The following DAAM1 variants were observed in gnomAD, a reference collection of about 807,000 sequenced individuals.
DAAM1 encodes dishevelled associated activator of morphogenesis 1.
DAAM1 carries 52 observed loss-of-function variants against 130.0 expected under a neutral mutation model. That is an observed-to-expected ratio of 0.40 (90% CI 0.32 to 0.50). The LOEUF is 0.50. Ranked by LOEUF, DAAM1 falls within the 20% of genes least tolerant of loss-of-function variation. The pLI, the probability that DAAM1 is intolerant of heterozygous loss-of-function variation, is 0.61. For synonymous variants in DAAM1, 452 were observed against 444.5 expected, an observed-to-expected ratio of 1.02 and a Z score of -0.21; for missense variants, 1,134 against 1,303.8, an observed-to-expected ratio of 0.87 and a Z score of 2.01.
intron 1 of DAAM1, among the ~76,000 whole-genome samples, chr14:59,227,867 C>T (rs1888989721): frequency 6.6e-6 from 1 of 152,174 alleles, no homozygotes; most frequent in South Asian, 2.1e-4. Flanking sequence ...CTCCTTGTTC[C>T]ACAGGCAGGC....
intron 1 of DAAM1, among the ~76,000 whole-genome samples, chr14:59,217,851 G>T (rs1354804757): frequency 6.6e-6 from 1 of 152,078 alleles, no homozygotes; most frequent in Non-Finnish European, 1.5e-5. Context: ...GCCGGGCGTG[G>T]TGGTGGGCAC....
intron 10 of DAAM1, 140 bp downstream of exon 10, chr14:59,326,217 G>A (rs996355389): frequency 1.3e-5 from 10 of 781,040 alleles, no homozygotes; most frequent in Non-Finnish European, 2.1e-5. Context: ...CCAAGTATGT[G>A]TGTCTACATG....
Position 59,282,658 on chromosome 14 carries a change from T to C in DAAM1, c.184-8559T>C, listed in dbSNP as rs561200373. On this transcript the variant is annotated intron_variant, in intron 2 of 24. Coordinates refer to ENST00000360909, the MANE Select transcript of DAAM1 (RefSeq NM_001270520.2). ...AACCAGACAGTCTAGACTCGAGTTCTTCCTCCACTGTTTACCAGCTTTGTT... is the reference window on the plus strand; with the variant it reads ...AACCAGACAGTCTAGACTCGAGTTCCTCCTCCACTGTTTACCAGCTTTGTT... 7.9e-5 allele frequency among the ~76,000 whole-genome samples: 12 copies of C among 152,286 alleles called. 1 individual carries two copies. In the South Asian group the frequency reaches 1.2e-3, roughly 16 times the overall value.
In DAAM1 at chr14:59,243,579, C is replaced by G. The variant is rs562239548; in HGVS notation, c.-37-19862C>G. 2.0e-5 allele frequency among the ~76,000 whole-genome samples: 3 copies of G among 152,246 alleles called. No individual in the cohort carries two copies. In the South Asian group the frequency reaches 6.2e-4, roughly 32 times the overall value. On this transcript the variant is annotated intron_variant, in intron 1 of 24. Coordinates refer to ENST00000360909, the MANE Select transcript of DAAM1 (RefSeq NM_001270520.2). The stretch of plus-strand genomic sequence containing the variant: ...TCAAGAGCTATGGCTGCCTCTGATT[C>G]TCTGAACTTTTATCTCTGATCCCTC...
At chr14:59,322,655 G>A (rs1885058010) in intron 5 of DAAM1, among the ~76,000 whole-genome samples, 1 of 152,076 alleles carries the variant, frequency 6.6e-6, no homozygotes, top group South Asian at 2.1e-4. Flanking sequence ...TTGGTTCTTT[G>A]TACCCATTGA....
In DAAM1 at chr14:59,371,109, CAAAAA is replaced by C. The variant is rs33914773; in HGVS notation, c.*2256_*2260del. 2.0e-5 allele frequency: 3 copies of C among 147,850 alleles called. No homozygotes were observed. The highest frequency in any genetic ancestry group is 3.9e-4 in the East Asian group (2 of 5,074). The allele number at this position is 147,850 out of a possible 1,614,324, so 9.2% of individuals were successfully genotyped here. A position where few individuals can be genotyped will look rare whatever the true frequency, so the allele number is the denominator to read the frequency against. On this transcript the variant is annotated 3_prime_UTR_variant, in exon 25 of 25. Coordinates refer to ENST00000360909, the MANE Select transcript of DAAM1 (RefSeq NM_001270520.2). ...CATTGTTGAAAAGAAAAAAAAAAAA[CAAAAA>C]AAAAACCTACTTTTTAGATTGGTGC...
In DAAM1 at chr14:59,273,015, T is replaced by C. The variant is rs1195893888; in HGVS notation, c.183+9355T>C. Among the ~76,000 whole-genome samples, 3 of 152,214 alleles carry C rather than the reference T, an allele frequency of 2.0e-5. No homozygotes were observed. The East Asian group carries it at 5.8e-4, about 29-fold the overall frequency. On this transcript the variant is annotated intron_variant, in intron 2 of 24. Transcript: ENST00000360909. ...ATCTGCTGTACTTCTGAATAGAACATTGCTTTGTTCCTAAAACAGTAGGGT... is the reference window on the plus strand; with the variant it reads ...ATCTGCTGTACTTCTGAATAGAACACTGCTTTGTTCCTAAAACAGTAGGGT...
At chr14:59,331,159 T>C in intron 13 of DAAM1, 50 bp from the exon 14 acceptor site, 1 of 1,595,332 alleles carries the variant, frequency 6.3e-7, no homozygotes, top group Non-Finnish European at 8.5e-7. Context: ...AATCATTCAA[T>C]GAATTTACTT....
chr14:59,222,310 G>A (rs976747620), intron 1 of DAAM1, among the ~76,000 whole-genome samples: 1 of 152,210 alleles, frequency 6.6e-6, no homozygotes, highest in African/African-American at 2.4e-5. Flanking sequence ...GATTTTGGCA[G>A]AGGCATTGCA....
chr14:59,254,184 A>G (rs1231903013), intron 1 of DAAM1, among the ~76,000 whole-genome samples: 1 of 152,196 alleles, frequency 6.6e-6, no homozygotes, highest in African/African-American at 2.4e-5. Flanking sequence ...AGGGGTCATT[A>G]CACCTGGATC....
chr14:59,193,598 A>G lies in DAAM1; in HGVS notation c.-38+4830A>G, dbSNP rs574366846. Among the ~76,000 whole-genome samples the G allele has an allele frequency of 6.6e-5, 10 of 152,350 alleles. No individual in the cohort carries two copies. In the South Asian group the frequency reaches 1.5e-3, roughly 22 times the overall value. On this transcript the variant is annotated intron_variant, in intron 1 of 24. Coordinates refer to ENST00000360909, the MANE Select transcript of DAAM1 (RefSeq NM_001270520.2). Reference sequence around the variant, plus strand: ...AAAAATGAACTGAATGTTAAGTCCTAGAAGCACAGCAACAAGTGTGCAGAG... The same window carrying G: ...AAAAATGAACTGAATGTTAAGTCCTGGAAGCACAGCAACAAGTGTGCAGAG...
rs1461051615 is a variant in DAAM1 at position 59,368,686 on chromosome 14, A to G, written c.3034A>G (p.Lys1012Glu). The G allele has an allele frequency of 6.2e-7, 1 of 1,613,806 alleles. No individual in the cohort carries two copies. The highest frequency in any genetic ancestry group is 1.7e-5 in the Admixed American group (1 of 59,996). ...ACGTGAAAGGGAACGTAAAATGAGA[A>G]AAGCTAAAGAGAATAGTGAAGAAAG... ...EQRERERKMR[K>E]AKENSEESGE... Residue 1012 changes from lysine (K) to glutamate (E), a missense_variant, in exon 25 of 25, where the codon AAA (lysine) becomes GAA (glutamate). Around this residue, in one of 3 missense-constraint regions of DAAM1, gnomAD observed 644 missense variants for 695.9 expected, o/e 0.93. Transcript: ENST00000360909.
intron 15 of DAAM1, chr14:59,338,291 T>G (rs1885704312): frequency 3.2e-6 from 4 of 1,269,284 alleles, no homozygotes; most frequent in Non-Finnish European, 3.4e-6. Context: ...ATCACTTGTT[T>G]CCTTGACTGC....
At chr14:59,239,703 A>T (rs1050656036) in intron 1 of DAAM1, among the ~76,000 whole-genome samples, 1 of 151,986 alleles carries the variant, frequency 6.6e-6, no homozygotes, top group Non-Finnish European at 1.5e-5. Flanking sequence ...TCTGCTGTGG[A>T]TGGAGTTGGA....
chr14:59,195,141 C>CTTT (rs33934407), intron 1 of DAAM1, among the ~76,000 whole-genome samples: 6 of 98,168 alleles, frequency 6.1e-5, no homozygotes, highest in African/African-American at 1.3e-4. Flanking sequence ...TCTTGTTATA[C>CTTT]TTTTTTTTTT....
intron 3 of DAAM1, among the ~76,000 whole-genome samples, chr14:59,307,105 T>C (rs1475385374): frequency 1.3e-5 from 2 of 152,230 alleles, no homozygotes; most frequent in South Asian, 2.1e-4. Context: ...GCTGCAGTTA[T>C]AGTGAAATGG....
At chr14:59,279,719 A>G (rs1594796524) in intron 2 of DAAM1, among the ~76,000 whole-genome samples, 1 of 152,174 alleles carries the variant, frequency 6.6e-6, no homozygotes, top group South Asian at 2.1e-4. Flanking sequence ...CATTAACTAT[A>G]TTTTAAAAAT....
Position 59,205,602 on chromosome 14 carries a change from C to CT in DAAM1, c.-38+16837dup, listed in dbSNP as rs752730068. On this transcript the variant is annotated intron_variant, in intron 1 of 24. Transcript: ENST00000360909. The stretch of plus-strand genomic sequence containing the variant: ...AAATAATTGCTTTTTTACAGTGAGC[C>CT]TTTGCTAGTTATTTCATATCTGTAT... 1.5e-4 allele frequency among the ~76,000 whole-genome samples: 23 copies of CT among 152,216 alleles called. 1 individual carries two copies. Among genetic ancestry groups the CT allele is most frequent in the Admixed American group, 8.5e-4 (13 of 15,302 alleles).
intron 6 of DAAM1, 93 bp from the exon 7 acceptor site, chr14:59,324,031 GAAAA>G: frequency 3.1e-6 from 2 of 648,832 alleles, no homozygotes; most frequent in Middle Eastern, 5.5e-4. Flanking sequence ...GACTCCGTCT[GAAAA>G]AAAAAAAAAG....
Sources: gnomAD v4.1 joint callset for allele counts (sites outside exome capture counted in the v4.1 genomes callset) on GRCh38, gnomAD v4.1.1 for gene constraint, gnomAD v4.1.1 regional missense constraint, MANE v1.5 for transcripts, NCBI Gene and HGNC (gene_info 2026-07-23, HGNC 2026-07-21) for gene names.